CCDC192: variants seen among roughly 807,000 people sequenced by gnomAD.
CCDC192 encodes coiled-coil domain-containing protein 192.
intron 6 of CCDC192, among the ~76,000 whole-genome samples, chr5:127,916,971 T>C (rs563519697): frequency 2.2e-4 from 33 of 152,348 alleles, no homozygotes; most frequent in African/African-American, 7.7e-4. Context: ...CTTCTTCCAA[T>C]AGAAGGCTGT....
At position 127,843,681 on chromosome 5, in the gene CCDC192, G is replaced by A. The variant is rs569896036; in HGVS notation, c.412-31857G>A. Among the ~76,000 whole-genome samples, 5 of 152,038 alleles carry A rather than the reference G, an allele frequency of 3.3e-5. No homozygotes were observed. In the South Asian group the frequency reaches 8.4e-4, roughly 25 times the overall value. On this transcript the variant is annotated intron_variant, in intron 5 of 6. Transcript: ENST00000514853. ...TCGAACTCCTGACCTCAGGTGATCCGCCTGCCTGGCCCTCCCAAAGTGCTA... is the reference window on the plus strand; with the variant it reads ...TCGAACTCCTGACCTCAGGTGATCCACCTGCCTGGCCCTCCCAAAGTGCTA...
intron 3 of CCDC192, among the ~76,000 whole-genome samples, chr5:127,782,890 G>A (rs1046902361): frequency 2.0e-5 from 3 of 151,740 alleles, no homozygotes; most frequent in Non-Finnish European, 2.9e-5. Flanking sequence ...GTTCCTTGAG[G>A]TGTGACCATA....
intron 3 of CCDC192, chr5:127,785,023 A>C: frequency 2.1e-6 from 1 of 479,868 alleles, no homozygotes; most frequent in East Asian, 5.6e-5. Context: ...TAAAATCTGT[A>C]GGACTTATGC....
At chr5:127,938,644 G>T (rs1754254221) in intron 6 of CCDC192, among the ~76,000 whole-genome samples, 1 of 152,164 alleles carries the variant, frequency 6.6e-6, no homozygotes, top group African/African-American at 2.4e-5. Flanking sequence ...TTAACACAAT[G>T]TATTCTAAAT....
rs187765686 is a variant in CCDC192 at position 127,777,266 on chromosome 5, G to T, written c.223-19837G>T. Among the ~76,000 whole-genome samples the T allele has an allele frequency of 2.6e-3, 400 of 152,286 alleles. 2 individuals carry two copies. Among genetic ancestry groups the T allele is most frequent in the African/African-American group, 9.2e-3 (384 of 41,564 alleles). ...CTGGATGTGAGACATGGATTCAAAGGGGATCATTTTGGAGCTTTAAGATTT... is the reference window on the plus strand; with the variant it reads ...CTGGATGTGAGACATGGATTCAAAGTGGATCATTTTGGAGCTTTAAGATTT... On this transcript the variant is annotated intron_variant, in intron 3 of 6. Coordinates refer to ENST00000514853, the MANE Select transcript of CCDC192 (RefSeq NM_001317938.2).
intron 5 of CCDC192, among the ~76,000 whole-genome samples, chr5:127,844,642 C>T (rs1380604991): frequency 1.3e-5 from 2 of 152,186 alleles, no homozygotes; most frequent in Non-Finnish European, 2.9e-5. Flanking sequence ...GGTGAGGAGA[C>T]AGGGCTGTGT....
intron 6 of CCDC192, among the ~76,000 whole-genome samples, chr5:127,887,640 C>A (rs890536477): frequency 5.3e-5 from 8 of 151,870 alleles, no homozygotes; most frequent in African/African-American, 1.9e-4. Flanking sequence ...TTTGCCACAA[C>A]CAGACATTAT....
chr5:127,861,385 T>C (rs900997021), intron 5 of CCDC192, among the ~76,000 whole-genome samples: 3 of 149,646 alleles, frequency 2.0e-5, no homozygotes, highest in African/African-American at 4.9e-5. Flanking sequence ...CCGGGCACAG[T>C]GGCTCATGCC....
chr5:127,719,907 G>A (rs1311175385), intron 2 of CCDC192, among the ~76,000 whole-genome samples: 1 of 151,544 alleles, frequency 6.6e-6, no homozygotes, highest in Non-Finnish European at 1.5e-5. Flanking sequence ...GAACAGCAAG[G>A]GGGATGTCCA....
chr5:127,755,991 A>G (rs534972405), intron 3 of CCDC192, among the ~76,000 whole-genome samples: 236 of 152,212 alleles, frequency 1.6e-3, no homozygotes, highest in South Asian at 7.1e-3. Context: ...AAATTAGCCC[A>G]GCGTAGTGGG....
chr5:127,702,222 A>G (rs1750736262), upstream of CCDC192, among the ~76,000 whole-genome samples: 2 of 151,828 alleles, frequency 1.3e-5, no homozygotes, highest in Non-Finnish European at 2.9e-5. Flanking sequence ...CTTCCCGAGT[A>G]GCTGGGACTA....
intron 2 of CCDC192, among the ~76,000 whole-genome samples, chr5:127,745,727 G>C (rs1753702899): frequency 6.6e-6 from 1 of 152,082 alleles, no homozygotes; most frequent in South Asian, 2.1e-4. Flanking sequence ...TCATCATTTT[G>C]ATGTCATATA....
chr5:127,939,685 A>ATG (rs1179206421), intron 6 of CCDC192, among the ~76,000 whole-genome samples: 41 of 94,102 alleles, frequency 4.4e-4, no homozygotes, highest in Middle Eastern at 8.5e-3. Context: ...GGTTATTTTT[A>ATG]TGTTTTTTTT....
At chr5:127,858,674 C>T (rs1359592290) in intron 5 of CCDC192, among the ~76,000 whole-genome samples, 1 of 152,226 alleles carries the variant, frequency 6.6e-6, no homozygotes, top group Non-Finnish European at 1.5e-5. Flanking sequence ...TGGCTTCATA[C>T]ATCGCTGCAT....
intron 3 of CCDC192, among the ~76,000 whole-genome samples, chr5:127,767,665 CT>C (rs902222614): frequency 2.6e-5 from 4 of 152,070 alleles, no homozygotes; most frequent in Non-Finnish European, 4.4e-5. Context: ...GCCTAGAGAA[CT>C]TTTTTGAAGA....
intron 2 of CCDC192, among the ~76,000 whole-genome samples, chr5:127,746,766 A>G (rs1282905537): frequency 6.6e-6 from 1 of 152,150 alleles, no homozygotes; most frequent in Non-Finnish European, 1.5e-5. Flanking sequence ...ATGCACCTGT[A>G]GTGGCAGAAC....
chr5:127,771,263 C>G (rs1439792440), intron 3 of CCDC192, among the ~76,000 whole-genome samples: 1 of 152,144 alleles, frequency 6.6e-6, no homozygotes, highest in African/African-American at 2.4e-5. Flanking sequence ...TAGGAAGAGA[C>G]AGAATACTAT....
chr5:127,739,149 G>A (rs1753230149), intron 2 of CCDC192, among the ~76,000 whole-genome samples: 1 of 152,044 alleles, frequency 6.6e-6, no homozygotes, highest in South Asian at 2.1e-4. Context: ...CCTTCTAACA[G>A]AGAGGACCCT....
intron 5 of CCDC192, among the ~76,000 whole-genome samples, chr5:127,800,299 T>A (rs1580679881): frequency 6.8e-6 from 1 of 146,770 alleles, no homozygotes; most frequent in South Asian, 2.1e-4. Flanking sequence ...TGATTAGAGA[T>A]CTGTAGTGTT....
Sources: allele counts gnomAD v4.1 joint callset (sites outside exome capture counted in the v4.1 genomes callset), GRCh38; gene constraint gnomAD v4.1.1; transcripts MANE v1.5; gene names NCBI Gene and HGNC (gene_info 2026-07-23, HGNC 2026-07-21).